The following NKAIN2 variants were observed in gnomAD, a reference collection of about 807,000 sequenced individuals.
NKAIN2 encodes the protein sodium/potassium transporting ATPase interacting 2.
A neutral mutation model predicts 32.6 loss-of-function variants in NKAIN2; 14 were observed. That is an observed-to-expected ratio of 0.43 (90% confidence interval 0.28 to 0.67). The LOEUF is 0.67. NKAIN2 is among the 30% of genes least tolerant of loss of function. The pLI is 0.17. For missense variants in NKAIN2, 198 were observed against 258.3 expected (o/e 0.77, Z 1.60); for synonymous variants, 80 against 87.2 (o/e 0.92, Z 0.46).
At chr6:124,304,308 C>T (rs1445098446) in intron 2 of NKAIN2, among the ~76,000 whole-genome samples, 2 of 152,098 alleles carry the variant, frequency 1.3e-5, no homozygotes, top group Non-Finnish European at 1.5e-5. Flanking sequence ...CTTAATATTG[C>T]TCTGCATTTA....
intron 1 of NKAIN2, among the ~76,000 whole-genome samples, chr6:123,896,328 C>T (rs1178196513): frequency 6.6e-6 from 1 of 152,132 alleles, no homozygotes; most frequent in African/African-American, 2.4e-5. Flanking sequence ...AGGATATTTT[C>T]CATATTTGAA....
intron 4 of NKAIN2, among the ~76,000 whole-genome samples, chr6:124,789,305 G>T (rs1285064518): frequency 6.6e-6 from 1 of 152,026 alleles, no homozygotes. Flanking sequence ...AGGACAAATT[G>T]CTTTACAAAT....
At chr6:124,533,203 C>T (rs571284501) in intron 3 of NKAIN2, among the ~76,000 whole-genome samples, 1 of 152,196 alleles carries the variant, frequency 6.6e-6, no homozygotes, top group South Asian at 2.1e-4. Flanking sequence ...GAGCCTCCTA[C>T]TCTGCCATAT....
intron 1 of NKAIN2, among the ~76,000 whole-genome samples, chr6:124,173,483 C>T (rs1788998208): frequency 6.6e-6 from 1 of 151,984 alleles, no homozygotes; most frequent in African/African-American, 2.4e-5. Context: ...AAGATTGAGC[C>T]TTAAAGAAGC....
At chr6:124,701,344 T>C (rs1405180499) in intron 4 of NKAIN2, among the ~76,000 whole-genome samples, 1 of 151,606 alleles carries the variant, frequency 6.6e-6, no homozygotes, top group African/African-American at 2.4e-5. Flanking sequence ...TAATGGTGAC[T>C]TTCTTTGTTT....
At chr6:124,381,061 G>A (rs1037006203) in intron 3 of NKAIN2, among the ~76,000 whole-genome samples, 16 of 152,136 alleles carry the variant, frequency 1.1e-4, no homozygotes, top group African/African-American at 3.9e-4. Context: ...TATAAGACCA[G>A]ATGCAAATAT....
intron 1 of NKAIN2, among the ~76,000 whole-genome samples, chr6:124,152,521 T>C (rs1787780682): frequency 6.6e-6 from 1 of 151,882 alleles, no homozygotes; most frequent in African/African-American, 2.4e-5. Context: ...CAAGTGTTGA[T>C]GAGGATACAA....
rs1299706845 is a variant in NKAIN2 at position 124,283,327 on chromosome 6, G to T, written c.192+185G>T. 1.0e-5 allele frequency: 5 copies of T among 491,692 alleles called. No individual in the cohort carries two copies. The South Asian group carries it at 1.5e-4, about 15-fold the overall frequency. The allele number at this position is 491,692 out of a possible 1,614,324, so 30.5% of individuals were successfully genotyped here. On this transcript the variant is annotated intron_variant, in intron 2 of 6. Transcript: ENST00000368417. ...AGTAATTGAAAATGTCAGGTTTAAG[G>T]CACTTGATAGTGAGTGTGATCAGAC...
At chr6:123,858,011 A>G (rs1036412799) in intron 1 of NKAIN2, among the ~76,000 whole-genome samples, 2 of 152,190 alleles carry the variant, frequency 1.3e-5, no homozygotes, top group African/African-American at 4.8e-5. Flanking sequence ...TTTAGAGAGT[A>G]TATTAGGGAG....
At chr6:124,502,555 TA>T (rs1423999037) in intron 3 of NKAIN2, among the ~76,000 whole-genome samples, 1 of 152,200 alleles carries the variant, frequency 6.6e-6, no homozygotes, top group African/African-American at 2.4e-5. Context: ...GTTTTCTGAG[TA>T]ATGGTTTGTG....
intron 1 of NKAIN2, among the ~76,000 whole-genome samples, chr6:123,976,354 T>TTTCC (rs1778605463): frequency 3.5e-5 from 1 of 28,796 alleles, no homozygotes; most frequent in African/African-American, 1.8e-4. Flanking sequence ...TTCCCATATA[T>TTTCC]ATATATATAT....
chr6:124,625,312 C>CTTGA (rs1431591502), intron 3 of NKAIN2, among the ~76,000 whole-genome samples: 3 of 138,680 alleles, frequency 2.2e-5, no homozygotes, highest in Non-Finnish European at 4.8e-5. Context: ...GTATGGGAGG[C>CTTGA]TTGATTACAT....
intron 2 of NKAIN2, among the ~76,000 whole-genome samples, chr6:124,346,058 A>G (rs1261282299): frequency 1.3e-5 from 2 of 151,878 alleles, no homozygotes; most frequent in African/African-American, 4.8e-5. Context: ...GGTTTCAAAG[A>G]GCATCTTTAT....
At chr6:124,141,456 A>G (rs1393548667) in intron 1 of NKAIN2, among the ~76,000 whole-genome samples, 1 of 152,056 alleles carries the variant, frequency 6.6e-6, no homozygotes, top group East Asian at 1.9e-4. Context: ...AGCTCAATTT[A>G]GCTTATAGGT....
chr6:123,809,938 T>A (rs1302215074), intron 1 of NKAIN2, among the ~76,000 whole-genome samples: 2 of 152,210 alleles, frequency 1.3e-5, no homozygotes, highest in African/African-American at 2.4e-5. Flanking sequence ...AAACTGATTT[T>A]TAAGTGCATT....
At chr6:124,142,380 T>A (rs1787188920) in intron 1 of NKAIN2, among the ~76,000 whole-genome samples, 1 of 152,238 alleles carries the variant, frequency 6.6e-6, no homozygotes, top group African/African-American at 2.4e-5. Context: ...AAACATTTTT[T>A]ATCTCAAGTT....
chr6:124,289,809 A>T (rs1351963043), intron 2 of NKAIN2, among the ~76,000 whole-genome samples: 1 of 152,136 alleles, frequency 6.6e-6, no homozygotes. Flanking sequence ...AGAAGTCATT[A>T]ATCTATGTTC....
At chr6:124,716,026 C>G (rs997602604) in intron 4 of NKAIN2, among the ~76,000 whole-genome samples, 1 of 152,140 alleles carries the variant, frequency 6.6e-6, no homozygotes, top group African/African-American at 2.4e-5. Flanking sequence ...TTTGTTCTCT[C>G]TTTTCACAGC....
chr6:124,772,207 G>A (rs539370860), intron 4 of NKAIN2, among the ~76,000 whole-genome samples: 1 of 152,198 alleles, frequency 6.6e-6, no homozygotes, highest in Non-Finnish European at 1.5e-5. Context: ...AATGAGGTGG[G>A]AAAAGAAATA....
Sources: allele counts gnomAD v4.1 joint callset (sites outside exome capture counted in the v4.1 genomes callset), GRCh38; gene constraint gnomAD v4.1.1; transcripts MANE v1.5; gene names NCBI Gene and HGNC (gene_info 2026-07-23, HGNC 2026-07-21).